The following MRPS33 variants were observed in gnomAD, a reference collection of about 807,000 sequenced individuals.
MRPS33 encodes the protein small ribosomal subunit protein mS33.
A neutral mutation model predicts 11.2 loss-of-function variants in MRPS33; 11 were observed. The observed-to-expected ratio is 0.99, with a 90% CI of 0.62 to 1.63. MRPS33 has a LOEUF of 1.63. Among genes scored for constraint, MRPS33 ranks in the 40% most tolerant of loss-of-function variants. The pLI, the probability that MRPS33 is intolerant of heterozygous loss-of-function variation, is 0.00. For synonymous variants in MRPS33, 46 were observed against 44.0 expected, an observed-to-expected ratio of 1.05 and a Z score of -0.18; for missense variants, 109 against 127.8, an observed-to-expected ratio of 0.85 and a Z score of 0.71.
rs1820513793 is a variant in MRPS33, at chr7:141,005,977, G to A, written c.*453C>T. The A allele has an allele frequency of 6.1e-6, 1 of 164,920 alleles. No homozygotes were observed. Among genetic ancestry groups the A allele is most frequent in the Non-Finnish European group, 1.3e-5 (1 of 76,236 alleles). The allele number at this position is 164,920 out of a possible 1,614,324, so 10.2% of individuals were successfully genotyped here. On this transcript the variant is annotated 3_prime_UTR_variant, in exon 3 of 3. Transcript: ENST00000324787. ...TAATAGATTTCTCAAAGGAGTAGGT[G>A]AAGACACACACAAAGTTTGTGAGCT...
chr7:141,008,773 A>G (rs1447907892), intron 2 of MRPS33, among the ~76,000 whole-genome samples: 2 of 151,568 alleles, frequency 1.3e-5, no homozygotes, highest in African/African-American at 4.8e-5. Flanking sequence ...TGTAATGGGC[A>G]TGTATTAGTT....
In MRPS33 at chr7:141,006,545, G is replaced by C; in HGVS notation, c.216-10C>G. ...ATCCTGATGCTCATCTCTGAATGAA[G>C]AAGGAAAAAATAATTAACCAGTTAT... On this transcript the variant is annotated splice_polypyrimidine_tract_variant and intron_variant, in intron 2 of 2. Transcript: ENST00000324787. 1 of 1,607,082 alleles carries C rather than the reference G, an allele frequency of 6.2e-7. No individual in the cohort carries two copies. Among genetic ancestry groups the C allele is most frequent in the African/African-American group, 1.3e-5 (1 of 74,738 alleles).
chr7:141,010,062 A>G (rs1214978195), intron 2 of MRPS33: 1 of 175,856 alleles, frequency 5.7e-6, no homozygotes, highest in Non-Finnish European at 1.2e-5. Flanking sequence ...TCGGCCTCCC[A>G]AAGTGCTGGG....
In MRPS33 at chr7:141,004,902, C is replaced by T. The variant is rs38731; in HGVS notation, c.*1528G>A. 9,694 of 152,290 alleles carry T rather than the reference C, an allele frequency of 0.064. 335 individuals carry two copies. Among genetic ancestry groups the T allele is most frequent in the Middle Eastern group, 0.11 (31 of 294 alleles). The allele number at this position is 152,290 out of a possible 1,614,324, so 9.4% of individuals were successfully genotyped here. On this transcript the variant is annotated 3_prime_UTR_variant, in exon 3 of 3. Coordinates refer to ENST00000324787, the MANE Select transcript of MRPS33 (RefSeq NM_053035.3). ...CTGGGACTACAGGCACCCACCACCA[C>T]GCCCGGCTAACTTTTTTGCATTTTT... is the stretch of plus-strand genomic sequence containing the variant.
chr7:141,008,369 G>A (rs1586729800), intron 2 of MRPS33, among the ~76,000 whole-genome samples: 1 of 152,244 alleles, frequency 6.6e-6, no homozygotes, highest in East Asian at 1.9e-4. Context: ...TTTATTTTGG[G>A]TTATAATAAA....
In MRPS33 at chr7:141,013,627, T is replaced by C. The variant is rs994563747; in HGVS notation, c.-28+1284A>G. Among the ~76,000 whole-genome samples the C allele has an allele frequency of 3.2e-4, 49 of 152,130 alleles. 1 individual carries two copies. Among genetic ancestry groups the C allele is most frequent in the African/African-American group, 9.9e-4 (41 of 41,402 alleles). On this transcript the variant is annotated intron_variant, in intron 1 of 2. Transcript: ENST00000324787. ...TTCACATGAAACCATTCTCGGGGAG[T>C]ACAAGTCACTTTAAGTGTTACCTTT...
intron 2 of MRPS33, chr7:141,009,821 T>C (rs1176417732): frequency 6.7e-6 from 1 of 148,152 alleles, no homozygotes; most frequent in Non-Finnish European, 1.5e-5. Context: ...TTTTTTTTTC[T>C]CGAGATGGAG....
chr7:141,008,458 A>G (rs956998355), intron 2 of MRPS33, among the ~76,000 whole-genome samples: 1 of 152,338 alleles, frequency 6.6e-6, no homozygotes, highest in Middle Eastern at 3.4e-3. Context: ...AAAACATGTC[A>G]TAGATTGTAA....
Position 141,003,980 on chromosome 7 carries a change from T to C in MRPS33, c.*2450A>G, listed in dbSNP as rs952921538. ...CTGTATCCTCTACAACTATCACGTG[T>C]CGAGCACATGGCAGGTGCTCAGTAA... is the stretch of plus-strand genomic sequence containing the variant. On this transcript the variant is annotated 3_prime_UTR_variant, in exon 3 of 3. Coordinates refer to ENST00000324787, the MANE Select transcript of MRPS33 (RefSeq NM_053035.3). 4 of 152,276 alleles carry C rather than the reference T, an allele frequency of 2.6e-5. No homozygotes were observed. Among genetic ancestry groups the C allele is most frequent in the South Asian group, 2.1e-4 (1 of 4,832 alleles). 9.4% of individuals were successfully genotyped at this position (152,276 alleles called of 1,614,324 possible). A position where few individuals can be genotyped will look rare whatever the true frequency, so the allele number is the denominator to read the frequency against.
chr7:141,013,061 G>GAAA (rs1028182526), intron 1 of MRPS33, among the ~76,000 whole-genome samples: 89 of 128,662 alleles, frequency 6.9e-4, no homozygotes, highest in Admixed American at 3.6e-3. Flanking sequence ...TCATGTTTAA[G>GAAA]AAAAAAAAAA....
At chr7:141,011,218 A>G (rs1467860066) in intron 1 of MRPS33, among the ~76,000 whole-genome samples, 1 of 152,192 alleles carries the variant, frequency 6.6e-6, no homozygotes, top group Non-Finnish European at 1.5e-5. Context: ...ACTGAACTGA[A>G]TTTTGCCTAG....
intron 2 of MRPS33, among the ~76,000 whole-genome samples, chr7:141,007,195 G>GTTTAA (rs1820553675): frequency 6.6e-6 from 1 of 152,138 alleles, no homozygotes; most frequent in African/African-American, 2.4e-5. Flanking sequence ...TTGGTATGGT[G>GTTTAA]TTTAAACATG....
Position 141,005,288 on chromosome 7 carries a change from T to A in MRPS33, c.*1142A>T, listed in dbSNP as rs991711656. The A allele has an allele frequency of 2.0e-5, 3 of 152,222 alleles. No homozygotes were observed. The highest frequency in any genetic ancestry group is 2.0e-4 in the Admixed American group (3 of 15,282). The allele number at this position is 152,222 out of a possible 1,614,324, so 9.4% of individuals were successfully genotyped here. A position where few individuals can be genotyped will look rare whatever the true frequency, so the allele number is the denominator to read the frequency against. On this transcript the variant is annotated 3_prime_UTR_variant, in exon 3 of 3. Transcript: ENST00000324787. ...TTAGGGCTTTGCAAATAGTACTCTCTGCCTCAAACCCCTTTCTCACCATTT... is the reference window on the plus strand; with the variant it reads ...TTAGGGCTTTGCAAATAGTACTCTCAGCCTCAAACCCCTTTCTCACCATTT...
intron 2 of MRPS33, among the ~76,000 whole-genome samples, chr7:141,007,675 G>A (rs1242191852): frequency 6.6e-6 from 1 of 152,082 alleles, no homozygotes; most frequent in Non-Finnish European, 1.5e-5. Context: ...CCTTTGCTGT[G>A]CTCTTGCCCC....
chr7:141,009,203 C>G, intron 2 of MRPS33, among the ~76,000 whole-genome samples: 1 of 151,170 alleles, frequency 6.6e-6, no homozygotes, highest in South Asian at 2.1e-4. Flanking sequence ...ATGATCTTGA[C>G]TCACTGCAAC....
chr7:141,014,169 T>C (rs1820745557), intron 1 of MRPS33, among the ~76,000 whole-genome samples: 1 of 152,226 alleles, frequency 6.6e-6, no homozygotes, highest in Non-Finnish European at 1.5e-5. Flanking sequence ...TCTCATCGAC[T>C]ACACGAGGAC....
intron 2 of MRPS33, 131 bp from the exon 3 acceptor site, chr7:141,006,666 C>T: frequency 1.3e-6 from 1 of 743,498 alleles, no homozygotes; most frequent in South Asian, 1.7e-5. Flanking sequence ...GCCACATGCT[C>T]AGCTTGGTGA....
intron 1 of MRPS33, among the ~76,000 whole-genome samples, chr7:141,012,172 T>TAAAAAAAAAA (rs1302725022): frequency 4.1e-4 from 2 of 4,822 alleles, no homozygotes; most frequent in Non-Finnish European, 7.4e-4. Flanking sequence ...AGATTGTGTG[T>TAAAAAAAAAA]CAAAAAAAAA....
chr7:141,013,364 A>G (rs1227453007), intron 1 of MRPS33, among the ~76,000 whole-genome samples: 1 of 152,276 alleles, frequency 6.6e-6, no homozygotes, highest in African/African-American at 2.4e-5. Context: ...GAACATGGTT[A>G]TATCATAAAA....
Sources: gnomAD v4.1 joint callset for allele counts (sites outside exome capture counted in the v4.1 genomes callset) on GRCh38, gnomAD v4.1.1 for gene constraint, MANE v1.5 for transcripts, NCBI Gene and HGNC (gene_info 2026-07-23, HGNC 2026-07-21) for gene names.